INO80D: variants seen among roughly 807,000 people sequenced by gnomAD.
INO80D encodes INO80 complex subunit D.
In INO80D, 21 loss-of-function variants were observed where a neutral mutation model predicts 87.6. That is an observed-to-expected ratio of 0.24 (90% CI 0.17 to 0.35). INO80D has a LOEUF of 0.35. Ranked by LOEUF, INO80D falls within the 10% of genes least tolerant of loss-of-function variation. INO80D has a pLI of 1.00. For missense variants in INO80D, 982 were observed against 1,280.7 expected, an observed-to-expected ratio of 0.77 and a Z score of 3.56; for synonymous variants, 440 against 491.0, an observed-to-expected ratio of 0.90 and a Z score of 1.37.
intron 6 of INO80D, among the ~76,000 whole-genome samples, chr2:206,026,016 A>T (rs1376386974): frequency 6.6e-6 from 1 of 151,726 alleles, no homozygotes; most frequent in Non-Finnish European, 1.5e-5. Context: ...TCCCACCTCA[A>T]CGTTCCTAGT....
At position 206,004,886 on chromosome 2, in the gene INO80D, T is replaced by C. The variant is rs765674194; in HGVS notation, c.2566A>G (p.Met856Val). The C allele has an allele frequency of 5.0e-6, 8 of 1,613,984 alleles. No homozygotes were observed. The South Asian group carries it at 7.7e-5, about 16-fold the overall frequency. Residue 856 changes from methionine to valine, a missense_variant, in exon 11 of 11, where the codon ATG (methionine) becomes GTG (valine). Met to Val is a conservative substitution (Grantham distance 21, BLOSUM62 1). Transcript: ENST00000403263. This position sits in a 1 kb window ranked among gnomAD's most constrained non-coding sequence, Gnocchi z 4.9. ...PHTTSYSGDN[M>V]AATFSAEMPI... ...ATCTCTGCTGAAAAGGTAGCTGCCATATTATCACCAGAGTACGATGTTGTG... is the reference window on the plus strand; with the variant it reads ...ATCTCTGCTGAAAAGGTAGCTGCCACATTATCACCAGAGTACGATGTTGTG...
chr2:206,008,958 C>T (rs1454013545), intron 9 of INO80D, among the ~76,000 whole-genome samples: 1 of 152,158 alleles, frequency 6.6e-6, no homozygotes, highest in African/African-American at 2.4e-5. Context: ...TAAATAATGC[C>T]TCATATTTCT....
chr2:206,080,870 T>A (rs1340560105), intron 1 of INO80D, among the ~76,000 whole-genome samples: 3 of 116,836 alleles, frequency 2.6e-5, no homozygotes, highest in Non-Finnish European at 3.2e-5. Context: ...GCCACTGCAC[T>A]CCAGCCTGGG....
chr2:206,043,793 G>A (rs1190279780), intron 5 of INO80D, among the ~76,000 whole-genome samples: 1 of 152,154 alleles, frequency 6.6e-6, no homozygotes, highest in African/African-American at 2.4e-5. Context: ...GCCGAGGTAG[G>A]GCCAATTTTC....
chr2:206,081,649 G>A (rs753692860), intron 1 of INO80D, among the ~76,000 whole-genome samples: 3 of 151,698 alleles, frequency 2.0e-5, no homozygotes, highest in Non-Finnish European at 4.4e-5. Context: ...GCTGACTACA[G>A]GCACACCTGA....
intron 8 of INO80D, 94 bp downstream of exon 8, chr2:206,017,586 G>T: frequency 1.9e-6 from 2 of 1,033,646 alleles, no homozygotes; most frequent in Non-Finnish European, 1.3e-6. Flanking sequence ...TTGTTTCAGT[G>T]ATTTATATAC....
At chr2:206,039,459 T>C (rs2105852062) in intron 5 of INO80D, among the ~76,000 whole-genome samples, 1 of 152,252 alleles carries the variant, frequency 6.6e-6, no homozygotes, top group Admixed American at 6.5e-5. Flanking sequence ...CTTAGGCTCT[T>C]GGTTCTGGGC....
chr2:206,013,042 G>A (rs1688220895), intron 8 of INO80D, among the ~76,000 whole-genome samples: 1 of 151,780 alleles, frequency 6.6e-6, no homozygotes, highest in Admixed American at 6.6e-5. Flanking sequence ...TGTCTTCAGA[G>A]AGAAAACCAT....
intron 1 of INO80D, among the ~76,000 whole-genome samples, chr2:206,084,074 C>CTT (rs543296877): frequency 3.5e-5 from 5 of 143,542 alleles, no homozygotes; most frequent in Admixed American, 2.1e-4. Flanking sequence ...ATGTTTATCA[C>CTT]TTTTTTTTTT....
At chr2:206,042,937 A>G (rs1689092991) in intron 5 of INO80D, among the ~76,000 whole-genome samples, 1 of 152,156 alleles carries the variant, frequency 6.6e-6, no homozygotes, top group African/African-American at 2.4e-5. Flanking sequence ...TCACCACTGC[A>G]CTCCCGCCTG....
intron 1 of INO80D, among the ~76,000 whole-genome samples, chr2:206,082,169 C>T (rs1380880710): frequency 1.3e-5 from 2 of 152,124 alleles, no homozygotes; most frequent in African/African-American, 4.8e-5. Context: ...TACAGGCATA[C>T]ACCACCACGC....
chr2:206,058,368 G>A (rs138018753), intron 3 of INO80D, among the ~76,000 whole-genome samples: 2,542 of 144,772 alleles, frequency 0.018, 45 homozygotes, highest in Non-Finnish European at 0.02. Context: ...GCAGTGAGCC[G>A]AGATGGTGCC....
At chr2:206,057,876 A>AT (rs1339078588) in intron 3 of INO80D, among the ~76,000 whole-genome samples, 1 of 151,834 alleles carries the variant, frequency 6.6e-6, no homozygotes, top group African/African-American at 2.4e-5. Context: ...GCCATCTGAC[A>AT]TGGACTTTTC....
chr2:206,004,792 C>A lies in INO80D; in HGVS notation c.2660G>T (p.Arg887Ile). The change falls in exon 11 of 11, where the codon AGA becomes ATA. Residue 887 changes from arginine (R) to isoleucine (I), a missense_variant. Physicochemically the swap from Arg to Ile is moderately conservative, Grantham distance 97 (BLOSUM62 -3). Transcript: ENST00000403263. The surrounding 1 kb of genome is among the most constrained non-coding windows in gnomAD (Gnocchi z 4.9). ...GACAGGGAGATTGCCCCAGTGAGTT[C>A]TGGGGTTTACCACGCCTCCAAGTGG... is the stretch of plus-strand genomic sequence containing the variant. ...EVPLGGVVNP[R>I]THWGNLPVNL... The A allele has an allele frequency of 6.2e-7, 1 of 1,613,940 alleles. No homozygotes were observed. The highest frequency in any genetic ancestry group is 8.5e-7 in the Non-Finnish European group (1 of 1,179,872).
In INO80D at chr2:206,004,714, A is replaced by T; in HGVS notation, c.2738T>A (p.Leu913His). Residue 913 changes from leucine to histidine, a missense_variant, in exon 11 of 11, where the codon CTT becomes CAT. Coordinates refer to ENST00000403263, the MANE Select transcript of INO80D (RefSeq NM_017759.5). This position sits in a 1 kb window ranked among gnomAD's most constrained non-coding sequence, Gnocchi z 4.9. ...FSNLLGADGH[L>H]LSTSLSTPPT... ...TGGCGTGGATAGGGAAGTGGAAAGA[A>T]GATGTCCATCTGCGCCGAGAAGGTT... is the stretch of plus-strand genomic sequence containing the variant. 1.2e-6 allele frequency: 2 copies of T among 1,613,898 alleles called. No individual in the cohort carries two copies. The highest frequency in any genetic ancestry group is 1.7e-6 in the Non-Finnish European group (2 of 1,179,868).
Position 206,086,092 on chromosome 2 carries a change from A to C in INO80D, c.-315T>G, listed in dbSNP as rs1204787517. 6.6e-6 allele frequency: 1 copy of C among 152,192 alleles called. No homozygotes were observed. The highest frequency in any genetic ancestry group is 1.5e-5 in the Non-Finnish European group (1 of 68,050). The allele number at this position is 152,192 out of a possible 1,614,324, so 9.4% of individuals were successfully genotyped here. A position where few individuals can be genotyped will look rare whatever the true frequency, so the allele number is the denominator to read the frequency against. On this transcript the variant is annotated 5_prime_UTR_variant, in exon 1 of 11. Coordinates refer to ENST00000403263, the MANE Select transcript of INO80D (RefSeq NM_017759.5). The stretch of plus-strand genomic sequence containing the variant: ...CATATTTTTATTTTGGAAACTAAAA[A>C]GTGCTCCCAGGGTCGGTGATTATTA...
At chr2:206,054,872 C>T (rs1689474069) in intron 4 of INO80D, among the ~76,000 whole-genome samples, 1 of 152,188 alleles carries the variant, frequency 6.6e-6, no homozygotes, top group Non-Finnish European at 1.5e-5. Flanking sequence ...TCTCAAACCT[C>T]TGGCTTCAAG....
chr2:206,063,682 G>A (rs1689744255), intron 1 of INO80D: 1 of 152,162 alleles, frequency 6.6e-6, no homozygotes, highest in African/African-American at 2.4e-5. Flanking sequence ...TGAGAGTGAA[G>A]ATCTGTCTCA....
At chr2:206,079,895 T>C (rs1690226752) in intron 1 of INO80D, among the ~76,000 whole-genome samples, 1 of 152,142 alleles carries the variant, frequency 6.6e-6, no homozygotes, top group African/African-American at 2.4e-5. Context: ...GGATACTCTT[T>C]TGTCCCTAAA....
Sources: gnomAD v4.1 joint callset for allele counts (sites outside exome capture counted in the v4.1 genomes callset) on GRCh38, gnomAD v4.1.1 for gene constraint, Gnocchi (gnomAD v3.1) non-coding constraint, MANE v1.5 for transcripts, NCBI Gene and HGNC (gene_info 2026-07-23, HGNC 2026-07-21) for gene names.